ZBTB20: variants seen among roughly 807,000 people sequenced by gnomAD.
The protein encoded by ZBTB20 is zinc finger and BTB domain containing 20.
Under a neutral mutation model 56.9 loss-of-function variants are expected in ZBTB20, and 9 were observed. The observed-to-expected ratio is 0.16, with a 90% CI of 0.10 to 0.28. ZBTB20 has a LOEUF of 0.28. Among genes scored for constraint, ZBTB20 ranks in the 10% least tolerant of loss-of-function variants. ZBTB20 has a pLI of 1.00. For synonymous variants in ZBTB20, 417 were observed against 420.7 expected, an observed-to-expected ratio of 0.99 and a Z score of 0.11; for missense variants, 655 against 1,003.0, an observed-to-expected ratio of 0.65 and a Z score of 4.69.
rs538997093 is a variant in ZBTB20 at position 114,389,111 on chromosome 3, T to C, written c.-254-6A>G. On this transcript the variant is annotated splice_region_variant and splice_polypyrimidine_tract_variant and intron_variant, in intron 7 of 11. Transcript: ENST00000675478. Reference sequence around the variant, plus strand: ...GGAGCAGAGAGCGGCTGCATCTAGATCAGACAAAAAACAAAAATAAGGTTG... The same window carrying C: ...GGAGCAGAGAGCGGCTGCATCTAGACCAGACAAAAAACAAAAATAAGGTTG... 1 of 152,244 alleles carries C rather than the reference T, an allele frequency of 6.6e-6. No individual in the cohort carries two copies. The highest frequency in any genetic ancestry group is 2.1e-4 in the South Asian group (1 of 4,822). The allele number at this position is 152,244 out of a possible 1,614,324, so 9.4% of individuals were successfully genotyped here.
At chr3:114,731,980 A>G (rs536924886) in intron 5 of ZBTB20, among the ~76,000 whole-genome samples, 21 of 152,220 alleles carry the variant, frequency 1.4e-4, no homozygotes, top group African/African-American at 4.8e-4. Context: ...TAATCTGTCT[A>G]TATATCTAAC....
intron 11 of ZBTB20, among the ~76,000 whole-genome samples, chr3:114,347,547 T>C (rs1453613030): frequency 6.6e-6 from 1 of 152,206 alleles, no homozygotes; most frequent in African/African-American, 2.4e-5. Context: ...TTTTTATGTT[T>C]TCCCTAGAAA....
intron 1 of ZBTB20, among the ~76,000 whole-genome samples, chr3:115,084,614 T>C (rs2108552491): frequency 6.6e-6 from 1 of 152,074 alleles, no homozygotes; most frequent in African/African-American, 2.4e-5. Flanking sequence ...ATACTTTGCA[T>C]TAAGATAGAT....
At chr3:114,547,058 T>C (rs1385363842) in intron 6 of ZBTB20, among the ~76,000 whole-genome samples, 1 of 152,172 alleles carries the variant, frequency 6.6e-6, no homozygotes, top group Non-Finnish European at 1.5e-5. Context: ...AGATTACCAA[T>C]GCTAAGCCAA....
intron 1 of ZBTB20, among the ~76,000 whole-genome samples, chr3:115,119,415 T>C (rs2084116895): frequency 6.6e-6 from 1 of 152,216 alleles, no homozygotes; most frequent in South Asian, 2.1e-4. Context: ...GTAATAAAAG[T>C]TGCTAAAATT....
chr3:114,869,008 C>T (rs1410648744), intron 4 of ZBTB20, among the ~76,000 whole-genome samples: 1 of 151,998 alleles, frequency 6.6e-6, no homozygotes, highest in African/African-American at 2.4e-5. Flanking sequence ...TATGAATCTT[C>T]CTTCAATGTG....
chr3:114,990,086 C>T (rs551925764), intron 2 of ZBTB20, among the ~76,000 whole-genome samples: 157 of 152,196 alleles, frequency 1.0e-3, no homozygotes, highest in Middle Eastern at 3.4e-3. Context: ...TAATTGAATA[C>T]CCTGTATTTA....
chr3:114,805,258 GT>G (rs1270404138), intron 4 of ZBTB20, among the ~76,000 whole-genome samples: 1 of 151,782 alleles, frequency 6.6e-6, no homozygotes, highest in Non-Finnish European at 1.5e-5. Context: ...CCATTAATAT[GT>G]TTTTTCTGTT....
chr3:114,778,234 T>C (rs1227253865), intron 5 of ZBTB20, among the ~76,000 whole-genome samples: 1 of 138,840 alleles, frequency 7.2e-6, no homozygotes, highest in Non-Finnish European at 1.5e-5. Flanking sequence ...ACCCTAAAAC[T>C]TAAAGTATGT....
chr3:115,017,035 CA>C (rs1211240756), intron 2 of ZBTB20, among the ~76,000 whole-genome samples: 3 of 151,424 alleles, frequency 2.0e-5, no homozygotes, highest in Non-Finnish European at 4.4e-5. Flanking sequence ...CTGGCCAGGG[CA>C]ATCAAGCAAG....
chr3:114,384,130 T>TTCTCTC lies in ZBTB20; in HGVS notation c.-153-3196_-153-3191dup, dbSNP rs892528946. On this transcript the variant is annotated intron_variant, in intron 8 of 11. Transcript: ENST00000675478. ...TCTCTCTCTCTCTCTCTCTCTCTCA[T>TTCTCTC]TCTCTCTCTCTCTCTCTCATTTTCT... 1.6e-3 allele frequency among the ~76,000 whole-genome samples: 161 copies of TTCTCTC among 98,736 alleles called. 1 individual carries two copies. The highest frequency in any genetic ancestry group is 6.5e-3 in the African/African-American group (154 of 23,600). 64.8% of individuals were successfully genotyped at this position (98,736 alleles called of 152,430 possible).
chr3:114,571,620 GA>G (rs1432770722), intron 6 of ZBTB20, among the ~76,000 whole-genome samples: 1 of 152,128 alleles, frequency 6.6e-6, no homozygotes, highest in Non-Finnish European at 1.5e-5. Flanking sequence ...CAATCTTAAG[GA>G]ATAATGCCAT....
intron 2 of ZBTB20, among the ~76,000 whole-genome samples, chr3:115,043,539 A>C (rs2081224803): frequency 1.3e-5 from 2 of 151,710 alleles, no homozygotes. Context: ...ACTACACTCC[A>C]GCCTGGGCAA....
At chr3:114,824,772 A>T (rs2073435460) in intron 4 of ZBTB20, among the ~76,000 whole-genome samples, 1 of 151,968 alleles carries the variant, frequency 6.6e-6, no homozygotes, top group South Asian at 2.1e-4. Context: ...TACTGCAAGA[A>T]TAGCAATATA....
At chr3:114,727,690 G>T (rs1322550413) in intron 5 of ZBTB20, among the ~76,000 whole-genome samples, 1 of 152,194 alleles carries the variant, frequency 6.6e-6, no homozygotes, top group Non-Finnish European at 1.5e-5. Flanking sequence ...TGTTGTGTTT[G>T]AAGATTCATG....
chr3:114,579,522 G>T (rs961132232), intron 6 of ZBTB20, among the ~76,000 whole-genome samples: 2 of 149,974 alleles, frequency 1.3e-5, no homozygotes, highest in African/African-American at 4.9e-5. Context: ...TCTAGAAAAA[G>T]AAAAATGGCC....
intron 4 of ZBTB20, chr3:114,873,180 G>C (rs1385114703): frequency 6.6e-6 from 1 of 152,098 alleles, no homozygotes; most frequent in African/African-American, 2.4e-5. Context: ...CTGTGTGAGT[G>C]AGCTCCACGA....
intron 5 of ZBTB20, among the ~76,000 whole-genome samples, chr3:114,731,592 T>C (rs2065753231): frequency 6.6e-6 from 1 of 152,188 alleles, no homozygotes; most frequent in Admixed American, 6.6e-5. Context: ...TCCCCTATAT[T>C]ATGATATTGA....
chr3:114,922,555 G>T (rs1379770840), intron 3 of ZBTB20, among the ~76,000 whole-genome samples: 1 of 152,178 alleles, frequency 6.6e-6, no homozygotes, highest in African/African-American at 2.4e-5. Context: ...TTAAGAAAAA[G>T]ATCCATCTTA....
Sources: gnomAD v4.1 joint callset for allele counts (sites outside exome capture counted in the v4.1 genomes callset) on GRCh38, gnomAD v4.1.1 for gene constraint, MANE v1.5 for transcripts, NCBI Gene and HGNC (gene_info 2026-07-23, HGNC 2026-07-21) for gene names.